The following JARID2 variants were observed in gnomAD, a reference collection of about 807,000 sequenced individuals.
JARID2 encodes jumonji and AT-rich interaction domain containing 2.
A neutral mutation model predicts 125.6 loss-of-function variants in JARID2; 21 were observed. The ratio of observed to expected loss-of-function variants is 0.17; its 90% confidence interval spans 0.12 to 0.24. The LOEUF is 0.24. JARID2 is among the 10% of genes least tolerant of loss of function. The pLI, the probability that JARID2 is intolerant of heterozygous loss-of-function variation, is 1.00. For synonymous variants in JARID2, 736 were observed against 661.6 expected (o/e 1.11, Z -1.73); for missense variants, 1,303 against 1,639.6 (o/e 0.79, Z 3.55).
intron 4 of JARID2, among the ~76,000 whole-genome samples, chr6:15,466,688 C>T (rs983777557): frequency 6.6e-6 from 1 of 152,210 alleles, no homozygotes; most frequent in South Asian, 2.1e-4. Context: ...AATGGTGATA[C>T]TGTACTGAAA....
At chr6:15,422,132 A>C (rs1278439724) in intron 3 of JARID2, among the ~76,000 whole-genome samples, 1 of 152,146 alleles carries the variant, frequency 6.6e-6, no homozygotes, top group East Asian at 1.9e-4. Context: ...AGGACCCTGG[A>C]GAGAAGCGCG....
rs191569316 is a variant in JARID2 at position 15,343,144 on chromosome 6, A to C, written c.46-30973A>C. Among the ~76,000 whole-genome samples, 294 of 149,878 alleles carry C rather than the reference A, an allele frequency of 2.0e-3. 2 individuals carry two copies. The highest frequency in any genetic ancestry group is 6.8e-3 in the African/African-American group (277 of 40,626). Reference sequence around the variant, plus strand: ...CTTGGGAGGCTGAGGCAGGAGAAGCACTTGAACTCGGGAGGTGGAGGTTGC... The same window carrying C: ...CTTGGGAGGCTGAGGCAGGAGAAGCCCTTGAACTCGGGAGGTGGAGGTTGC... On this transcript the variant is annotated intron_variant, in intron 1 of 17. Transcript: ENST00000341776.
intron 3 of JARID2, among the ~76,000 whole-genome samples, chr6:15,415,343 C>A (rs985508412): frequency 6.6e-6 from 1 of 152,182 alleles, no homozygotes; most frequent in Non-Finnish European, 1.5e-5. Flanking sequence ...ACCTCCCAGA[C>A]GGGGCGGTGG....
intron 2 of JARID2, among the ~76,000 whole-genome samples, chr6:15,376,881 C>G (rs1486318952): frequency 6.6e-6 from 1 of 152,156 alleles, no homozygotes; most frequent in Non-Finnish European, 1.5e-5. Context: ...AAAGCTCACA[C>G]AGTAGGGAGC....
chr6:15,264,138 G>A (rs1411962308), intron 1 of JARID2, among the ~76,000 whole-genome samples: 3 of 152,188 alleles, frequency 2.0e-5, no homozygotes, highest in African/African-American at 7.2e-5. Context: ...CAAATGTCAT[G>A]TGGCCTAGTG....
intron 1 of JARID2, among the ~76,000 whole-genome samples, chr6:15,308,603 C>A (rs976233885): frequency 1.3e-5 from 2 of 152,164 alleles, no homozygotes; most frequent in South Asian, 4.1e-4. Context: ...TCCTTAAAAA[C>A]AACGAGATTA....
At chr6:15,339,179 T>A (rs547997807) in intron 1 of JARID2, among the ~76,000 whole-genome samples, 15 of 152,112 alleles carry the variant, frequency 9.9e-5, no homozygotes, top group Admixed American at 5.9e-4. Flanking sequence ...TACCTAGAAC[T>A]AGGACCGGGC....
At chr6:15,504,635 A>G (rs770331607) in intron 9 of JARID2, 43 bp downstream of exon 9, 4 of 1,330,158 alleles carry the variant, frequency 3.0e-6, no homozygotes, top group Non-Finnish European at 4.3e-6. Flanking sequence ...TGGTGTGGGA[A>G]CCCCTCGGCG....
intron 1 of JARID2, among the ~76,000 whole-genome samples, chr6:15,309,499 T>C (rs1436663120): frequency 6.6e-6 from 1 of 152,188 alleles, no homozygotes; most frequent in East Asian, 1.9e-4. Flanking sequence ...ATGGAACGTC[T>C]GTTCCGTGCA....
chr6:15,259,766 ATGGGGGT>A (rs1581334890), intron 1 of JARID2, among the ~76,000 whole-genome samples: 1 of 152,030 alleles, frequency 6.6e-6, no homozygotes, highest in East Asian at 1.9e-4. Flanking sequence ...CATTTTTTTG[ATGGGGGT>A]TACTTTTATA....
chr6:15,389,501 T>C (rs1040960418), intron 2 of JARID2, among the ~76,000 whole-genome samples: 6 of 152,238 alleles, frequency 3.9e-5, no homozygotes, highest in Non-Finnish European at 8.8e-5. Flanking sequence ...TTTAGAAGAA[T>C]GCATCTAGAG....
intron 1 of JARID2, among the ~76,000 whole-genome samples, chr6:15,311,870 G>A (rs3950): frequency 0.43 from 64,568 of 151,740 alleles, 14,289 homozygotes; most frequent in East Asian, 0.54. Context: ...AAACTGGGGG[G>A]AATTTTCCAC....
At chr6:15,406,580 T>TG (rs1413319361) in intron 2 of JARID2, among the ~76,000 whole-genome samples, 10 of 152,208 alleles carry the variant, frequency 6.6e-5, no homozygotes, top group African/African-American at 2.2e-4. Flanking sequence ...GTGGAAAACT[T>TG]GGAGTTCTTG....
chr6:15,301,617 A>T (rs1761627393), intron 1 of JARID2, among the ~76,000 whole-genome samples: 1 of 152,236 alleles, frequency 6.6e-6, no homozygotes, highest in African/African-American at 2.4e-5. Flanking sequence ...AATAGTCTGT[A>T]AGTCCTTAAA....
At chr6:15,249,309 T>G (rs1360038379) in intron 1 of JARID2, among the ~76,000 whole-genome samples, 1 of 152,132 alleles carries the variant, frequency 6.6e-6, no homozygotes, top group Non-Finnish European at 1.5e-5. Flanking sequence ...CTGTTGCTCT[T>G]TCTGGAAGCT....
intron 2 of JARID2, among the ~76,000 whole-genome samples, chr6:15,377,136 G>A (rs1764385689): frequency 6.6e-6 from 1 of 152,144 alleles, no homozygotes; most frequent in African/African-American, 2.4e-5. Flanking sequence ...TAGTGGGAGT[G>A]GAAGCAGGGT....
intron 2 of JARID2, among the ~76,000 whole-genome samples, chr6:15,388,666 T>A (rs1450194486): frequency 1.3e-5 from 2 of 151,464 alleles, no homozygotes; most frequent in African/African-American, 4.8e-5. Flanking sequence ...TATTCGCCAG[T>A]GACATCCCAT....
chr6:15,436,239 C>CGTGGGCTTGGAG (rs1228040102), intron 3 of JARID2, among the ~76,000 whole-genome samples: 1 of 152,136 alleles, frequency 6.6e-6, no homozygotes, highest in Non-Finnish European at 1.5e-5. Context: ...TCGGATCACA[C>CGTGGGCTTGGAG]GTGGGCTTGG....
At chr6:15,480,310 C>T (rs1378482147) in intron 5 of JARID2, among the ~76,000 whole-genome samples, 1 of 152,088 alleles carries the variant, frequency 6.6e-6, no homozygotes, top group Non-Finnish European at 1.5e-5. Flanking sequence ...TGGTCCTTGT[C>T]TGGATTTTTC....
Sources: allele counts gnomAD v4.1 joint callset (sites outside exome capture counted in the v4.1 genomes callset), GRCh38; gene constraint gnomAD v4.1.1; transcripts MANE v1.5; gene names NCBI Gene and HGNC (gene_info 2026-07-23, HGNC 2026-07-21).